The following ACTR8 variants were observed in gnomAD, a reference collection of about 807,000 sequenced individuals.
The protein encoded by ACTR8 is actin-related protein 8.
ACTR8 carries 70 observed loss-of-function variants against 84.3 expected under a neutral mutation model. That is an observed-to-expected ratio of 0.83 (90% CI 0.68 to 1.01). The LOEUF (loss-of-function observed/expected upper bound fraction) is 1.01. ACTR8 is among the 50% of genes least tolerant of loss of function. ACTR8 has a pLI of 0.00. For missense variants in ACTR8, 672 were observed against 775.4 expected, an observed-to-expected ratio of 0.87 and a Z score of 1.58; for synonymous variants, 268 against 275.2, an observed-to-expected ratio of 0.97 and a Z score of 0.26.
downstream of ACTR8, among the ~76,000 whole-genome samples, chr3:53,863,820 TA>T (rs1354193538): frequency 5.7e-5 from 5 of 87,406 alleles, no homozygotes; most frequent in Non-Finnish European, 1.1e-4. Flanking sequence ...CACCTCAAAG[TA>T]TTTTTTTTTT....
intron 1 of ACTR8, 161 bp downstream of exon 1, chr3:53,881,818 G>T: frequency 8.1e-7 from 1 of 1,233,294 alleles, no homozygotes; most frequent in Non-Finnish European, 1.1e-6. Flanking sequence ...TCGGCGTCCC[G>T]GCGCGCCACC....
At position 53,869,205 on chromosome 3, in the gene ACTR8, C is replaced by T. The variant is rs576662839; in HGVS notation, c.1732-343G>A. Reference sequence around the variant, plus strand: ...CTGAGGCAGGAGAATGGCGTGAACCCGGGAGGCAGAGGTTGCAGTGAGCCA... The same window carrying T: ...CTGAGGCAGGAGAATGGCGTGAACCTGGGAGGCAGAGGTTGCAGTGAGCCA... On this transcript the variant is annotated intron_variant, in intron 12 of 12. Coordinates refer to ENST00000335754, the MANE Select transcript of ACTR8 (RefSeq NM_022899.5). Among the ~76,000 whole-genome samples, 16 of 152,260 alleles carry T rather than the reference C, an allele frequency of 1.1e-4. No individual in the cohort carries two copies. The East Asian group carries it at 2.3e-3, about 22-fold the overall frequency.
chr3:53,866,487 A>ATT (rs549654602), downstream of ACTR8, among the ~76,000 whole-genome samples: 2 of 148,294 alleles, frequency 1.3e-5, no homozygotes, highest in Admixed American at 6.7e-5. Flanking sequence ...AATTTTTTAA[A>ATT]TTTTTTTTTT....
At chr3:53,874,163 A>G in intron 8 of ACTR8, 48 bp downstream of exon 8, 3 of 1,572,986 alleles carry the variant, frequency 1.9e-6, no homozygotes, top group Non-Finnish European at 2.6e-6. Flanking sequence ...AATCTCTTAA[A>G]TTTTTCCTAG....
At chr3:53,881,511 C>T (rs563501696) in intron 1 of ACTR8, among the ~76,000 whole-genome samples, 1 of 152,304 alleles carries the variant, frequency 6.6e-6, no homozygotes, top group Admixed American at 6.5e-5. Flanking sequence ...AAATGACTTC[C>T]ATTATCTGAG....
downstream of ACTR8, among the ~76,000 whole-genome samples, chr3:53,862,874 A>G (rs191558731): frequency 6.6e-6 from 1 of 152,312 alleles, no homozygotes; most frequent in Non-Finnish European, 1.5e-5. Flanking sequence ...AAAAAGCCAG[A>G]AATTATGATG....
At chr3:53,879,798 G>C in intron 2 of ACTR8, 141 bp downstream of exon 2, 1 of 864,914 alleles carries the variant, frequency 1.2e-6, no homozygotes, top group South Asian at 2.5e-5. Context: ...CACTAGCTCT[G>C]ATGAAAAATT....
chr3:53,869,886 T>C, intron 12 of ACTR8, 96 bp downstream of exon 12: 1 of 1,458,184 alleles, frequency 6.9e-7, no homozygotes, highest in African/African-American at 1.4e-5. Flanking sequence ...CAAGAACTCC[T>C]CAGACACAAG....
chr3:53,869,639 G>A (rs551322432), intron 12 of ACTR8, among the ~76,000 whole-genome samples: 1 of 152,324 alleles, frequency 6.6e-6, no homozygotes, highest in East Asian at 1.9e-4. Flanking sequence ...CCAGGGAGCA[G>A]AAGGAGATCC....
chr3:53,867,794 T>C lies in ACTR8; in HGVS notation c.*925A>G, dbSNP rs1198895578. The C allele has an allele frequency of 6.6e-6, 1 of 152,192 alleles. No individual in the cohort carries two copies. Among genetic ancestry groups the C allele is most frequent in the African/African-American group, 2.4e-5 (1 of 41,440 alleles). The allele number at this position is 152,192 out of a possible 1,614,324, so 9.4% of individuals were successfully genotyped here. On this transcript the variant is annotated 3_prime_UTR_variant, in exon 13 of 13. Coordinates refer to ENST00000335754, the MANE Select transcript of ACTR8 (RefSeq NM_022899.5). ...AGTGGTAATAGCTGCATTATTTAGA[T>C]TTTGCTTCAGGATGCTCAGAGGTTA...
rs781504153 is a variant in ACTR8, at chr3:53,880,077, A to T, written c.156T>A (p.His52Gln). 8.7e-6 allele frequency: 14 copies of T among 1,614,060 alleles called. No homozygotes were observed. Among genetic ancestry groups the T allele is most frequent in the Non-Finnish European group, 1.1e-5 (13 of 1,179,914 alleles). The part of the protein sequence containing the change: ...QIQSNFIIVI[H>Q]PGSTTLRIGR... ...CAATCCTTAAAGTTGTTGAACCTGGATGTATGACAATGATGAAGTTGCTCT... is the reference window on the plus strand; with the variant it reads ...CAATCCTTAAAGTTGTTGAACCTGGTTGTATGACAATGATGAAGTTGCTCT... The change falls in exon 2 of 13, where the codon CAT (histidine) becomes CAA (glutamine). Residue 52 changes from histidine (H) to glutamine (Q), a missense_variant. Physicochemically the swap from His to Gln is conservative, Grantham distance 24. Coordinates refer to ENST00000335754, the MANE Select transcript of ACTR8 (RefSeq NM_022899.5).
downstream of ACTR8, chr3:53,865,169 A>G: frequency 1.2e-6 from 2 of 1,614,202 alleles, no homozygotes. Flanking sequence ...AAAGACGATT[A>G]CAATGCTCTC....
chr3:53,870,121 ATCT>A lies in ACTR8; in HGVS notation c.1589_1591del (p.Lys530del), dbSNP rs756802645. 1.3e-5 allele frequency: 21 copies of A among 1,613,422 alleles called. No individual in the cohort carries two copies. The highest frequency in any genetic ancestry group is 1.7e-4 in the Middle Eastern group (1 of 6,058). On this transcript the variant is annotated inframe_deletion, in exon 12 of 13. Transcript: ENST00000335754. This position sits in a 1 kb window ranked among gnomAD's most constrained non-coding sequence, Gnocchi z 4.1. ...TCCCACCACTAGGATGGAGCTGTAC[ATCT>A]TCTTTTTGGTGTCGTCAGATGCTGA...
At chr3:53,869,777 G>A (rs760249326) in intron 12 of ACTR8, among the ~76,000 whole-genome samples, 4 of 152,166 alleles carry the variant, frequency 2.6e-5, no homozygotes, top group Non-Finnish European at 5.9e-5. Context: ...TGGGGAGCAC[G>A]GCAGGGGAAA....
the ACTR8 span, chr3:53,859,873 C>T: frequency 4.7e-5 from 16 of 338,536 alleles, no homozygotes; most frequent in East Asian, 7.5e-4. Flanking sequence ...AGTGGCTGGG[C>T]GCGGTGACAC....
Position 53,870,109 on chromosome 3 carries a change from A to G in ACTR8, c.1604T>C (p.Ile535Thr). 1.9e-6 allele frequency: 3 copies of G among 1,614,196 alleles called. No individual in the cohort carries two copies. The highest frequency in any genetic ancestry group is 2.5e-6 in the Non-Finnish European group (3 of 1,180,016). ...DDTKKKMYSSILVVGGGLMFH... is the reference protein window; with the variant it reads ...DDTKKKMYSSTLVVGGGLMFH... ...CATCAAACCACCTCCCACCACTAGG[A>G]TGGAGCTGTACATCTTCTTTTTGGT... The change falls in exon 12 of 13, where the codon ATC becomes ACC. Residue 535 changes from isoleucine (I) to threonine (T), a missense_variant. Physicochemically the swap from Ile to Thr is moderately conservative, Grantham distance 89. Coordinates refer to ENST00000335754, the MANE Select transcript of ACTR8 (RefSeq NM_022899.5). The surrounding 1 kb of genome is among the most constrained non-coding windows in gnomAD (Gnocchi z 4.1).
chr3:53,876,755 T>C lies in ACTR8; in HGVS notation c.685-42A>G, dbSNP rs1180627455. ...AGATAAAAGGGTTAGCACTCAAGTC[T>C]AGTCAGGTCAAATTCACACTCCTTT... On this transcript the variant is annotated intron_variant, in intron 5 of 12. Transcript: ENST00000335754. 5.4e-6 allele frequency: 6 copies of C among 1,107,068 alleles called. No homozygotes were observed. The East Asian group carries it at 1.3e-4, about 23-fold the overall frequency. 68.6% of individuals were successfully genotyped at this position (1,107,068 alleles called of 1,614,324 possible).
intron 10 of ACTR8, 109 bp from the exon 11 acceptor site, chr3:53,871,605 C>T (rs1699885063): frequency 5.5e-6 from 7 of 1,277,150 alleles, no homozygotes; most frequent in South Asian, 2.8e-5. Context: ...AAAAGCCACA[C>T]AGCAATACAA....
downstream of ACTR8, among the ~76,000 whole-genome samples, chr3:53,863,398 T>C (rs1033444615): frequency 7.9e-5 from 12 of 152,054 alleles, no homozygotes; most frequent in Admixed American, 1.3e-4. Context: ...GCAGAGCTAT[T>C]AAAAAAACTC....
Sources: allele counts gnomAD v4.1 joint callset (sites outside exome capture counted in the v4.1 genomes callset), GRCh38; gene constraint gnomAD v4.1.1; non-coding constraint Gnocchi (gnomAD v3.1); transcripts MANE v1.5; gene names NCBI Gene and HGNC (gene_info 2026-07-23, HGNC 2026-07-21).